CACNA2D3: variants seen among roughly 807,000 people sequenced by gnomAD.
The protein encoded by CACNA2D3 is calcium voltage-gated channel auxiliary subunit alpha2delta 3.
A neutral mutation model predicts 160.6 loss-of-function variants in CACNA2D3; 60 were observed. The ratio of observed to expected loss-of-function variants is 0.37; its 90% CI spans 0.30 to 0.46. The LOEUF (loss-of-function observed/expected upper bound fraction) is 0.46, where lower values mean the gene tolerates loss of function less well. Among genes scored for constraint, CACNA2D3 ranks in the 20% least tolerant of loss-of-function variants. The pLI is 1.00. For synonymous variants in CACNA2D3, 558 were observed against 492.9 expected (o/e 1.13, Z -1.75); for missense variants, 1,205 against 1,365.0 (o/e 0.88, Z 1.85).
intron 2 of CACNA2D3, among the ~76,000 whole-genome samples, chr3:54,255,102 T>C (rs968520733): frequency 6.6e-6 from 1 of 152,248 alleles, no homozygotes; most frequent in African/African-American, 2.4e-5. Context: ...GCACACATTT[T>C]TCTCTCAGGT....
In CACNA2D3 at chr3:54,669,829, T is replaced by C. The variant is rs188184914; in HGVS notation, c.1167+27588T>C. 4.7e-4 allele frequency among the ~76,000 whole-genome samples: 71 copies of C among 152,292 alleles called. No individual in the cohort carries two copies. In the East Asian group the frequency reaches 0.013, roughly 29 times the overall value. ...TGAGACTGGCTAATTTTTACATTTT[T>C]GGTAGAGATGGGGTTTCACTGTGTT... On this transcript the variant is annotated intron_variant, in intron 11 of 37. Coordinates refer to ENST00000474759, the MANE Select transcript of CACNA2D3 (RefSeq NM_018398.3).
Position 54,171,722 on chromosome 3 carries a change from C to T in CACNA2D3, c.204+48128C>T, listed in dbSNP as rs1473086752. Among the ~76,000 whole-genome samples, 3 of 152,156 alleles carry T rather than the reference C, an allele frequency of 2.0e-5. No individual in the cohort carries two copies. In the East Asian group the frequency reaches 5.8e-4, roughly 29 times the overall value. On this transcript the variant is annotated intron_variant, in intron 2 of 37. Transcript: ENST00000474759. ...TTTGCTAGCCCAAGGTCTGCTTCTC[C>T]AGGACCATGGTCTGTGGCTCTAATG...
chr3:54,427,883 T>C (rs962029475), intron 4 of CACNA2D3, among the ~76,000 whole-genome samples: 5 of 152,136 alleles, frequency 3.3e-5, no homozygotes, highest in Non-Finnish European at 7.4e-5. Flanking sequence ...CTGACCAGCA[T>C]TGTGGCAGCA....
intron 2 of CACNA2D3, among the ~76,000 whole-genome samples, chr3:54,161,624 A>G (rs1370423557): frequency 6.6e-6 from 1 of 152,224 alleles, no homozygotes; most frequent in African/African-American, 2.4e-5. Context: ...AAGCAGTGCA[A>G]ACTTGTGTGC....
At position 54,984,611 on chromosome 3, in the gene CACNA2D3, G is replaced by T; in HGVS notation, c.2560G>T (p.Val854Leu). Residue 854 changes from valine to leucine, a missense_variant, in exon 30 of 38, where the codon GTG (valine) becomes TTG (leucine). Around this residue, in one of 3 missense-constraint regions of CACNA2D3, gnomAD observed 911 missense variants for 1,002.2 expected, o/e 0.91. Coordinates refer to ENST00000474759, the MANE Select transcript of CACNA2D3 (RefSeq NM_018398.3). ...TGTTTTTTTTTTAATTTTCTAGACT[G>T]TGAATTGTTACCTCATAGACAATAA... ...KCSISCDDET[V>L]NCYLIDNNGF... The T allele has an allele frequency of 6.5e-7, 1 of 1,530,840 alleles. No individual in the cohort carries two copies. The highest frequency in any genetic ancestry group is 1.4e-5 in the African/African-American group (1 of 72,076). The allele number at this position is 1,530,840 out of a possible 1,614,324, so 94.8% of individuals were successfully genotyped here.
intron 16 of CACNA2D3, among the ~76,000 whole-genome samples, chr3:54,843,589 T>G (rs1279180418): frequency 6.6e-6 from 1 of 152,200 alleles, no homozygotes; most frequent in African/African-American, 2.4e-5. Context: ...TGGCTCTGTC[T>G]TACATATGAA....
In CACNA2D3 at chr3:54,618,375, GCACACACACACA is replaced by G. The variant is rs56788185; in HGVS notation, c.964-9385_964-9374del. Among the ~76,000 whole-genome samples, 11 of 115,514 alleles carry G rather than the reference GCACACACACACA, an allele frequency of 9.5e-5. No individual in the cohort carries two copies. The South Asian group carries it at 2.2e-3, about 23-fold the overall frequency. The allele number at this position is 115,514 out of a possible 152,430, so 75.8% of individuals were successfully genotyped here. ...TACATATATATATATATATATATATGCACACACACACACACACACACACACACACACACACAC... is the reference window on the plus strand; with the variant it reads ...TACATATATATATATATATATATATGCACACACACACACACACACACACAC... On this transcript the variant is annotated intron_variant, in intron 9 of 37. Transcript: ENST00000474759.
intron 3 of CACNA2D3, among the ~76,000 whole-genome samples, chr3:54,321,730 G>A (rs916630948): frequency 7.9e-5 from 12 of 152,096 alleles, no homozygotes; most frequent in Admixed American, 5.9e-4. Context: ...CTTTACTGCC[G>A]CCTTGCTTTC....
At chr3:54,356,555 A>G (rs1698652642) in intron 3 of CACNA2D3, among the ~76,000 whole-genome samples, 1 of 152,144 alleles carries the variant, frequency 6.6e-6, no homozygotes, top group Non-Finnish European at 1.5e-5. Context: ...GAAACCCTTT[A>G]TAAATAATGT....
chr3:54,160,310 C>A (rs1387898755), intron 2 of CACNA2D3, among the ~76,000 whole-genome samples: 1 of 152,132 alleles, frequency 6.6e-6, no homozygotes, highest in Non-Finnish European at 1.5e-5. Context: ...ACCAGCCTGG[C>A]CAACATGGCA....
intron 3 of CACNA2D3, among the ~76,000 whole-genome samples, chr3:54,332,165 C>T (rs963945127): frequency 6.6e-6 from 1 of 152,180 alleles, no homozygotes; most frequent in African/African-American, 2.4e-5. Context: ...ATGGCAGGAA[C>T]GGGACAATAA....
intron 14 of CACNA2D3, among the ~76,000 whole-genome samples, chr3:54,817,321 C>T (rs1703479180): frequency 6.6e-6 from 1 of 152,190 alleles, no homozygotes; most frequent in African/African-American, 2.4e-5. Flanking sequence ...TAAAAATCAG[C>T]AGCTCCTTTG....
intron 8 of CACNA2D3, among the ~76,000 whole-genome samples, chr3:54,580,281 A>G (rs1047292064): frequency 2.0e-5 from 3 of 151,918 alleles, no homozygotes; most frequent in Admixed American, 6.6e-5. Flanking sequence ...CAGTTTGATC[A>G]CCACTTCTGC....
chr3:54,308,768 C>T (rs1202555460), intron 2 of CACNA2D3, among the ~76,000 whole-genome samples: 1 of 152,092 alleles, frequency 6.6e-6, no homozygotes, highest in Non-Finnish European at 1.5e-5. Flanking sequence ...ATAGAATGCT[C>T]AGTAAATGCT....
intron 31 of CACNA2D3, among the ~76,000 whole-genome samples, chr3:54,997,327 A>G (rs2360667): frequency 0.81 from 123,651 of 152,066 alleles, 50,516 homozygotes; most frequent in East Asian, 0.9. Context: ...AGAATTCCTT[A>G]GGGAGCTTAA....
At chr3:54,664,002 G>A (rs1700019750) in intron 11 of CACNA2D3, among the ~76,000 whole-genome samples, 1 of 152,204 alleles carries the variant, frequency 6.6e-6, no homozygotes. Context: ...GGTGATTTGA[G>A]CAGGCCCAGT....
chr3:55,015,911 T>C (rs74427844), intron 34 of CACNA2D3, among the ~76,000 whole-genome samples: 28,564 of 152,218 alleles, frequency 0.19, 2,986 homozygotes, highest in Admixed American at 0.25. Flanking sequence ...CTCTTCTGTG[T>C]TGTTACTGTT....
At chr3:54,221,232 G>A (rs969680915) in intron 2 of CACNA2D3, among the ~76,000 whole-genome samples, 3 of 152,158 alleles carry the variant, frequency 2.0e-5, no homozygotes, top group East Asian at 3.8e-4. Flanking sequence ...TTGACTTCAC[G>A]CAGCACATAC....
chr3:54,968,802 G>A (rs1277300524), intron 28 of CACNA2D3, among the ~76,000 whole-genome samples: 2 of 152,196 alleles, frequency 1.3e-5, no homozygotes, highest in Admixed American at 6.5e-5. Context: ...CCTTTTGTGA[G>A]ATTTTCATTC....
Sources: gnomAD v4.1 joint callset for allele counts (sites outside exome capture counted in the v4.1 genomes callset) on GRCh38, gnomAD v4.1.1 for gene constraint, gnomAD v4.1.1 regional missense constraint, MANE v1.5 for transcripts, NCBI Gene and HGNC (gene_info 2026-07-23, HGNC 2026-07-21) for gene names.